Variants in CACNA1B observed in about 807,000 individuals in gnomAD.
CACNA1B encodes the protein calcium voltage-gated channel subunit alpha1 B, also known as voltage-dependent N-type calcium channel subunit alpha-1B.
Under a neutral mutation model 247.2 loss-of-function variants are expected in CACNA1B, and 70 were observed. The ratio of observed to expected loss-of-function variants is 0.28; its 90% CI spans 0.23 to 0.35. CACNA1B has a LOEUF of 0.35. Among genes scored for constraint, CACNA1B ranks in the 10% least tolerant of loss-of-function variants. The probability of loss-of-function intolerance (pLI) is 1.00; values close to 1 mark genes in which losing one functional copy is unlikely to be tolerated. For synonymous variants in CACNA1B, 1,231 were observed against 1,294.4 expected, an observed-to-expected ratio of 0.95 and a Z score of 1.05; for missense variants, 2,367 against 3,197.4, an observed-to-expected ratio of 0.74 and a Z score of 6.26.
At chr9:137,949,867 C>T (rs1033384242) in intron 6 of CACNA1B, among the ~76,000 whole-genome samples, 1 of 152,148 alleles carries the variant, frequency 6.6e-6, no homozygotes, top group Non-Finnish European at 1.5e-5. Flanking sequence ...AAGGTACTGT[C>T]AAGTGTACTT....
intron 15 of CACNA1B, among the ~76,000 whole-genome samples, chr9:138,002,560 A>G (rs1958591168): frequency 6.6e-6 from 1 of 151,404 alleles, no homozygotes; most frequent in South Asian, 2.1e-4. Flanking sequence ...AAAAAAAAAA[A>G]AAAATAGCTG....
At position 138,124,423 on chromosome 9, in the gene CACNA1B, TAAAA is replaced by T. The variant is rs60582824; in HGVS notation, c.*2435_*2438del. The T allele has an allele frequency of 1.4e-5, 2 of 141,034 alleles. No homozygotes were observed. The highest frequency in any genetic ancestry group is 3.1e-5 in the Non-Finnish European group (2 of 64,040). The allele number at this position is 141,034 out of a possible 1,614,324, so 8.7% of individuals were successfully genotyped here. On this transcript the variant is annotated 3_prime_UTR_variant, in exon 47 of 47. Transcript: ENST00000371372. Reference sequence around the variant, plus strand: ...GCAAAACTTTATATTTAAGAAGTGTTAAAAAAAAAAAAAAGTCCCAACCATGCAA... The same window carrying T: ...GCAAAACTTTATATTTAAGAAGTGTTAAAAAAAAAAGTCCCAACCATGCAA...
rs747181622 is a variant in CACNA1B at position 138,121,860 on chromosome 9, C to G, written c.6881C>G (p.Thr2294Ser). 10 of 1,613,398 alleles carry G rather than the reference C, an allele frequency of 6.2e-6. No individual in the cohort carries two copies. In the East Asian group the frequency reaches 1.3e-4, roughly 22 times the overall value. The change falls in exon 47 of 47, where the codon ACT becomes AGT. Residue 2294 changes from threonine to serine, a missense_variant. This residue lies in a region of CACNA1B where 773 missense variants were observed against 779.4 expected (regional missense o/e 0.99). Transcript: ENST00000371372. This position sits in a 1 kb window ranked among gnomAD's most constrained non-coding sequence, Gnocchi z 6.8. ...ACCAACTCGGGCCGCTCCTCCAGGA[C>G]TTCCTACGTGTCCTCCCTGACCTCC... Reference protein sequence around the residue: ...VATNSGRSSRTSYVSSLTSQS... With the variant: ...VATNSGRSSRSSYVSSLTSQS...
chr9:138,019,723 G>A (rs1347863791), intron 18 of CACNA1B, among the ~76,000 whole-genome samples: 1 of 152,188 alleles, frequency 6.6e-6, no homozygotes, highest in Non-Finnish European at 1.5e-5. Flanking sequence ...GTTTGCTGCT[G>A]GCTGTCAGAG....
chr9:138,060,415 G>A (rs974946141), intron 31 of CACNA1B, among the ~76,000 whole-genome samples: 2 of 152,170 alleles, frequency 1.3e-5, no homozygotes, highest in African/African-American at 4.8e-5. Context: ...AGAGGGGCAT[G>A]GGGAAATGGG....
intron 10 of CACNA1B, among the ~76,000 whole-genome samples, chr9:137,969,470 C>T (rs1958119754): frequency 6.6e-6 from 1 of 152,324 alleles, no homozygotes; most frequent in East Asian, 1.9e-4. Flanking sequence ...AGGCCTTTCT[C>T]ATAGCAGAGG....
rs886782618 is a variant in CACNA1B, at chr9:137,917,004, G to A, written c.776-237G>A. Among the ~76,000 whole-genome samples, 2 of 152,150 alleles carry A rather than the reference G, an allele frequency of 1.3e-5. No individual in the cohort carries two copies. Among genetic ancestry groups the A allele is most frequent in the Admixed American group, 6.5e-5 (1 of 15,282 alleles). Reference sequence around the variant, plus strand: ...ATCAAGTGATGGTGGGCAGGTTCCAGTAGGAGGGAGAGGCCAGCCGTTACT... The same window carrying A: ...ATCAAGTGATGGTGGGCAGGTTCCAATAGGAGGGAGAGGCCAGCCGTTACT... On this transcript the variant is annotated intron_variant, in intron 5 of 46. Coordinates refer to ENST00000371372, the MANE Select transcript of CACNA1B (RefSeq NM_000718.4). The surrounding 1 kb of genome is among the most constrained non-coding windows in gnomAD (Gnocchi z 5.5).
intron 16 of CACNA1B, among the ~76,000 whole-genome samples, chr9:138,009,169 G>A (rs923791364): frequency 1.3e-5 from 2 of 152,228 alleles, no homozygotes; most frequent in African/African-American, 4.8e-5. Context: ...GAAGGAGGCC[G>A]CACACCCCAG....
At chr9:137,912,731 AG>A (rs1321993957) in intron 3 of CACNA1B, among the ~76,000 whole-genome samples, 10 of 152,160 alleles carry the variant, frequency 6.6e-5, no homozygotes, top group African/African-American at 2.4e-4. Flanking sequence ...GGGTCGGTTC[AG>A]GAGTCCCTCA....
In CACNA1B at chr9:137,950,134, A is replaced by T. The variant is rs944003418; in HGVS notation, c.967-2140A>T. On this transcript the variant is annotated intron_variant, in intron 6 of 46. Coordinates refer to ENST00000371372, the MANE Select transcript of CACNA1B (RefSeq NM_000718.4). The surrounding 1 kb of genome is among the most constrained non-coding windows in gnomAD (Gnocchi z 4.8). Reference sequence around the variant, plus strand: ...TAGGTTCCCCACTTGGCATCTGTTGACTTATGGTAGCGTGTTCTCCTTACT... The same window carrying T: ...TAGGTTCCCCACTTGGCATCTGTTGTCTTATGGTAGCGTGTTCTCCTTACT... Among the ~76,000 whole-genome samples, 2 of 152,012 alleles carry T rather than the reference A, an allele frequency of 1.3e-5. No homozygotes were observed. Among genetic ancestry groups the T allele is most frequent in the African/African-American group, 4.8e-5 (2 of 41,366 alleles).
intron 10 of CACNA1B, among the ~76,000 whole-genome samples, chr9:137,962,882 A>G (rs1447538111): frequency 3.3e-5 from 5 of 152,290 alleles, no homozygotes; most frequent in African/African-American, 9.6e-5. Flanking sequence ...AGAGTTCTGT[A>G]TATATCTATC....
chr9:137,995,650 G>A (rs1958490533), intron 15 of CACNA1B, among the ~76,000 whole-genome samples: 1 of 152,150 alleles, frequency 6.6e-6, no homozygotes, highest in African/African-American at 2.4e-5. Context: ...GAACCCAAAA[G>A]CAAATGCAAC....
At chr9:137,895,946 A>G (rs1957166958) in intron 3 of CACNA1B, among the ~76,000 whole-genome samples, 1 of 152,182 alleles carries the variant, frequency 6.6e-6, no homozygotes, top group African/African-American at 2.4e-5. Context: ...AACCATTAAG[A>G]ATAATGTTAG....
Position 138,123,315 on chromosome 9 carries a change from G to A in CACNA1B, c.*1316G>A, listed in dbSNP as rs201102227. ...GCACCTGATGCCCAGCACTGTCCTG[G>A]CGCCAGACACAGGGAGCAGGCAGTC... On this transcript the variant is annotated 3_prime_UTR_variant, in exon 47 of 47. Transcript: ENST00000371372. 1.3e-5 allele frequency: 2 copies of A among 152,302 alleles called. No homozygotes were observed. Among genetic ancestry groups the A allele is most frequent in the Non-Finnish European group, 2.9e-5 (2 of 68,096 alleles). 9.4% of individuals were successfully genotyped at this position (152,302 alleles called of 1,614,324 possible). A position where few individuals can be genotyped will look rare whatever the true frequency, so the allele number is the denominator to read the frequency against.
intron 3 of CACNA1B, among the ~76,000 whole-genome samples, chr9:137,894,633 C>A (rs530786991): frequency 4.6e-5 from 7 of 152,240 alleles, no homozygotes; most frequent in African/African-American, 1.7e-4. Context: ...TGATCTCGAT[C>A]TCCTGACCTC....
chr9:138,079,219 G>A (rs1032726553), intron 36 of CACNA1B, among the ~76,000 whole-genome samples: 1 of 152,130 alleles, frequency 6.6e-6, no homozygotes, highest in Non-Finnish European at 1.5e-5. Context: ...CTCTCAAGGT[G>A]ACTCTGTGTG....
intron 15 of CACNA1B, among the ~76,000 whole-genome samples, chr9:138,000,023 A>G (rs1958546648): frequency 6.6e-6 from 1 of 152,140 alleles, no homozygotes; most frequent in Admixed American, 6.5e-5. Flanking sequence ...ACTATAGGAA[A>G]ATGAGATTTT....
rs1564234481 is a variant in CACNA1B, at chr9:138,007,013, T to A, written c.2092+129T>A. On this transcript the variant is annotated intron_variant, in intron 16 of 46. Transcript: ENST00000371372. This position sits in a 1 kb window ranked among gnomAD's most constrained non-coding sequence, Gnocchi z 4.1. Reference sequence around the variant, plus strand: ...TGAGAGGTGCATTCTCAGAGCTGAGTGCAGATGGAGAACATTCTGCAGGTG... The same window carrying A: ...TGAGAGGTGCATTCTCAGAGCTGAGAGCAGATGGAGAACATTCTGCAGGTG... 3 of 631,202 alleles carry A rather than the reference T, an allele frequency of 4.8e-6. No individual in the cohort carries two copies. Among genetic ancestry groups the A allele is most frequent in the Non-Finnish European group, 8.8e-6 (3 of 342,766 alleles). The allele number at this position is 631,202 out of a possible 1,614,324, so 39.1% of individuals were successfully genotyped here. A position where few individuals can be genotyped will look rare whatever the true frequency, so the allele number is the denominator to read the frequency against.
At chr9:138,116,273 G>C (rs778651281) in intron 42 of CACNA1B, among the ~76,000 whole-genome samples, 2 of 152,158 alleles carry the variant, frequency 1.3e-5, no homozygotes, top group Non-Finnish European at 2.9e-5. Flanking sequence ...TTCTGAAGCT[G>C]TTATATTTTG....
Sources: allele counts gnomAD v4.1 joint callset (sites outside exome capture counted in the v4.1 genomes callset), GRCh38; gene constraint gnomAD v4.1.1; regional missense constraint gnomAD v4.1.1; non-coding constraint Gnocchi (gnomAD v3.1); transcripts MANE v1.5; gene names NCBI Gene and HGNC (gene_info 2026-07-23, HGNC 2026-07-21).